The following ABHD2 variants were observed in gnomAD, a reference collection of about 807,000 sequenced individuals.
ABHD2 encodes abhydrolase domain containing 2, acylglycerol lipase.
In ABHD2, 20 loss-of-function variants were observed where a neutral mutation model predicts 48.1. The ratio of observed to expected loss-of-function variants is 0.42; its 90% confidence interval spans 0.29 to 0.60. The LOEUF (loss-of-function observed/expected upper bound fraction) is 0.60. Among genes scored for constraint, ABHD2 ranks in the 20% least tolerant of loss-of-function variants. The pLI is 0.24. For synonymous variants in ABHD2, 209 were observed against 214.2 expected (o/e 0.98, Z 0.21); for missense variants, 405 against 550.9 (o/e 0.74, Z 2.65).
chr15:89,155,621 T>G lies in ABHD2; in HGVS notation c.538+87T>G. ...CCTTGTTTTTTCTTTTTTTAAGTTT[T>G]AAACCTATGCCCATCTGCAAGAGAT... On this transcript the variant is annotated intron_variant, in intron 5 of 10. Coordinates refer to ENST00000352732, the MANE Select transcript of ABHD2 (RefSeq NM_152924.5). This position sits in a 1 kb window ranked among gnomAD's most constrained non-coding sequence, Gnocchi z 4.9. 1 of 1,497,030 alleles carries G rather than the reference T, an allele frequency of 6.7e-7. No individual in the cohort carries two copies. Among genetic ancestry groups the G allele is most frequent in the Admixed American group, 2.0e-5 (1 of 51,040 alleles). The allele number at this position is 1,497,030 out of a possible 1,614,324, so 92.7% of individuals were successfully genotyped here. A position where few individuals can be genotyped will look rare whatever the true frequency, so the allele number is the denominator to read the frequency against.
At chr15:89,098,854 A>T (rs2049656211) in intron 1 of ABHD2, among the ~76,000 whole-genome samples, 1 of 152,224 alleles carries the variant, frequency 6.6e-6, no homozygotes, top group African/African-American at 2.4e-5. Flanking sequence ...TTGCCACAAA[A>T]GAGCTTATAA....
Position 89,176,165 on chromosome 15 carries a change from T to G in ABHD2, c.722+170T>G, listed in dbSNP as rs940095954. ...TTGTCTGCATATCATACATTGGAGA[T>G]GCCCCATCAGACCCCTTAAGCCTGG... On this transcript the variant is annotated intron_variant, in intron 6 of 10. Coordinates refer to ENST00000352732, the MANE Select transcript of ABHD2 (RefSeq NM_152924.5). This position sits in a 1 kb window ranked among gnomAD's most constrained non-coding sequence, Gnocchi z 4.5. 6.6e-6 allele frequency among the ~76,000 whole-genome samples: 1 copy of G among 152,164 alleles called. No homozygotes were observed. Among genetic ancestry groups the G allele is most frequent in the Non-Finnish European group, 1.5e-5 (1 of 68,020 alleles).
At chr15:89,090,711 A>G (rs1050771566) in intron 1 of ABHD2, among the ~76,000 whole-genome samples, 1 of 152,162 alleles carries the variant, frequency 6.6e-6, no homozygotes, top group African/African-American at 2.4e-5. Flanking sequence ...TCGAAATGGT[A>G]AAGTCCTGGA....
At chr15:89,157,987 A>C (rs2050701936) in intron 5 of ABHD2, among the ~76,000 whole-genome samples, 1 of 151,982 alleles carries the variant, frequency 6.6e-6, no homozygotes, top group Admixed American at 6.6e-5. Flanking sequence ...AACAATGGGG[A>C]ATAATGGTAA....
At chr15:89,117,191 A>G (rs928801764) in intron 3 of ABHD2, among the ~76,000 whole-genome samples, 1 of 152,078 alleles carries the variant, frequency 6.6e-6, no homozygotes, top group South Asian at 2.1e-4. Flanking sequence ...ATGCCCGGCT[A>G]ATTTTTGTAT....
chr15:89,076,218 A>C, the ABHD2 span, among the ~76,000 whole-genome samples: 1 of 152,152 alleles, frequency 6.6e-6, no homozygotes, highest in African/African-American at 2.4e-5. Flanking sequence ...TTATTTCACA[A>C]AATACTCAAA....
the ABHD2 span, among the ~76,000 whole-genome samples, chr15:89,049,614 G>A: frequency 0.019 from 2,911 of 152,330 alleles, 87 homozygotes; most frequent in African/African-American, 0.066. Flanking sequence ...TAAGCCCGTC[G>A]GAAAAGCGCA....
rs1454874908 is a variant in ABHD2 at position 89,091,203 on chromosome 15, T to C, written c.-107+2640T>C. Among the ~76,000 whole-genome samples, 1 of 152,212 alleles carries C rather than the reference T, an allele frequency of 6.6e-6. No homozygotes were observed. The highest frequency in any genetic ancestry group is 1.5e-5 in the Non-Finnish European group (1 of 68,040). On this transcript the variant is annotated intron_variant, in intron 1 of 10. Transcript: ENST00000352732. The surrounding 1 kb of genome is among the most constrained non-coding windows in gnomAD (Gnocchi z 5.5). ...TCTCAGTGTGCCAGCCAATTCCCTT[T>C]TGATGAAAAGATGCCTGCCACTTTC... is the stretch of plus-strand genomic sequence containing the variant.
chr15:89,174,268 A>C lies in ABHD2; in HGVS notation c.539-1544A>C, dbSNP rs1224635264. 6.6e-6 allele frequency among the ~76,000 whole-genome samples: 1 copy of C among 152,250 alleles called. No homozygotes were observed. Among genetic ancestry groups the C allele is most frequent in the Non-Finnish European group, 1.5e-5 (1 of 68,042 alleles). Reference sequence around the variant, plus strand: ...GTTACCACTGGTATTTTTAAAAAGAATATAGGAAACTTACCTTTCACTCCA... The same window carrying C: ...GTTACCACTGGTATTTTTAAAAAGACTATAGGAAACTTACCTTTCACTCCA... On this transcript the variant is annotated intron_variant, in intron 5 of 10. Coordinates refer to ENST00000352732, the MANE Select transcript of ABHD2 (RefSeq NM_152924.5). The surrounding 1 kb of genome is among the most constrained non-coding windows in gnomAD (Gnocchi z 4.1).
At chr15:89,066,047 G>C in the ABHD2 span, among the ~76,000 whole-genome samples, 1 of 152,122 alleles carries the variant, frequency 6.6e-6, no homozygotes, top group Admixed American at 6.5e-5. Context: ...TTTGGACCAG[G>C]TGTGTGCATC....
chr15:89,073,770 C>T, the ABHD2 span, among the ~76,000 whole-genome samples: 3 of 152,280 alleles, frequency 2.0e-5, no homozygotes, highest in Admixed American at 2.0e-4. Context: ...ATCGATCCTA[C>T]ACATCTGTGG....
At position 89,184,578 on chromosome 15, in the gene ABHD2, A is replaced by G. The variant is rs981010496; in HGVS notation, c.723-846A>G. Among the ~76,000 whole-genome samples, 4 of 152,170 alleles carry G rather than the reference A, an allele frequency of 2.6e-5. No homozygotes were observed. The highest frequency in any genetic ancestry group is 4.4e-5 in the Non-Finnish European group (3 of 68,030). ...TGGGCAGGCATGGCTGGTGGGAGTG[A>G]GCCCACTGGTGTTTGTTCACCTGCT... On this transcript the variant is annotated intron_variant, in intron 6 of 10. Transcript: ENST00000352732. The surrounding 1 kb of genome is among the most constrained non-coding windows in gnomAD (Gnocchi z 5.1).
intron 3 of ABHD2, among the ~76,000 whole-genome samples, chr15:89,131,871 T>C (rs760171057): frequency 1.6e-4 from 24 of 152,048 alleles, no homozygotes; most frequent in Non-Finnish European, 2.6e-4. Context: ...ATAGGTGCTA[T>C]TGAAAACTGA....
the ABHD2 span, among the ~76,000 whole-genome samples, chr15:89,067,891 G>A: frequency 6.6e-6 from 1 of 152,278 alleles, no homozygotes; most frequent in East Asian, 1.9e-4. Context: ...TAGATGATCA[G>A]CCACTGTGTA....
rs979888322 is a variant in ABHD2 at position 89,189,924 on chromosome 15, G to A, written c.927-1156G>A. The stretch of plus-strand genomic sequence containing the variant: ...AGTTTTATGATCATAACCAGTCTTG[G>A]TGGCTTCCTCAGAGATCCATCCCAG... On this transcript the variant is annotated intron_variant, in intron 8 of 10. Transcript: ENST00000352732. The surrounding 1 kb of genome is among the most constrained non-coding windows in gnomAD (Gnocchi z 4.9). Among the ~76,000 whole-genome samples, 1 of 152,078 alleles carries A rather than the reference G, an allele frequency of 6.6e-6. No individual in the cohort carries two copies. The highest frequency in any genetic ancestry group is 1.5e-5 in the Non-Finnish European group (1 of 68,020).
chr15:89,112,179 C>T (rs1317804139), intron 1 of ABHD2, among the ~76,000 whole-genome samples: 1 of 152,144 alleles, frequency 6.6e-6, no homozygotes, highest in Non-Finnish European at 1.5e-5. Context: ...TGAAGCGGGG[C>T]AGCCCTGCTC....
rs1247268406 is a variant in ABHD2 at position 89,200,503 on chromosome 15, A to G, written c.*5080A>G. ...GCAGAGGTGCTCCTCACTTCCCAGA[A>G]CAATTCTTTATGAATTTGATAAAGG... On this transcript the variant is annotated 3_prime_UTR_variant, in exon 11 of 11. Coordinates refer to ENST00000352732, the MANE Select transcript of ABHD2 (RefSeq NM_152924.5). 1 of 152,704 alleles carries G rather than the reference A, an allele frequency of 6.5e-6. No individual in the cohort carries two copies. The highest frequency in any genetic ancestry group is 2.4e-5 in the African/African-American group (1 of 41,464). The allele number at this position is 152,704 out of a possible 1,614,324, so 9.5% of individuals were successfully genotyped here. A position where few individuals can be genotyped will look rare whatever the true frequency, so the allele number is the denominator to read the frequency against.
rs1250369522 is a variant in ABHD2, at chr15:89,182,132, CA to C, written c.723-3286del. ...TTTAAAAATCCTTATGGATTATTCTCAAAAAAGACTCCCAGTGAAACTATAC... is the reference window on the plus strand; with the variant it reads ...TTTAAAAATCCTTATGGATTATTCTCAAAAAGACTCCCAGTGAAACTATAC... On this transcript the variant is annotated intron_variant, in intron 6 of 10. Coordinates refer to ENST00000352732, the MANE Select transcript of ABHD2 (RefSeq NM_152924.5). The surrounding 1 kb of genome is among the most constrained non-coding windows in gnomAD (Gnocchi z 4.8). Among the ~76,000 whole-genome samples, 1 of 152,110 alleles carries C rather than the reference CA, an allele frequency of 6.6e-6. No homozygotes were observed. The highest frequency in any genetic ancestry group is 1.5e-5 in the Non-Finnish European group (1 of 68,018).
In ABHD2 at chr15:89,116,319, C is replaced by A; in HGVS notation, c.-6-3C>A. 1 of 1,611,666 alleles carries A rather than the reference C, an allele frequency of 6.2e-7. No individual in the cohort carries two copies. The highest frequency in any genetic ancestry group is 8.5e-7 in the Non-Finnish European group (1 of 1,178,446). ...AACTTAGACCTGTGCCTCTGCTCCC[C>A]AGATCAAGATGAATGCCATGCTGGA... On this transcript the variant is annotated splice_region_variant and splice_polypyrimidine_tract_variant and intron_variant, in intron 2 of 10. Coordinates refer to ENST00000352732, the MANE Select transcript of ABHD2 (RefSeq NM_152924.5). The surrounding 1 kb of genome is among the most constrained non-coding windows in gnomAD (Gnocchi z 4.6).
Sources: allele counts gnomAD v4.1 joint callset (sites outside exome capture counted in the v4.1 genomes callset), GRCh38; gene constraint gnomAD v4.1.1; non-coding constraint Gnocchi (gnomAD v3.1); transcripts MANE v1.5; gene names NCBI Gene and HGNC (gene_info 2026-07-23, HGNC 2026-07-21).